Variants in TMEM108 observed in about 807,000 individuals in gnomAD.
TMEM108 encodes transmembrane protein 108.
TMEM108 carries 12 observed loss-of-function variants against 35.1 expected under a neutral mutation model. That is an observed-to-expected ratio of 0.34 (90% CI 0.22 to 0.55). TMEM108 has a LOEUF of 0.55. Ranked by LOEUF, TMEM108 falls within the 20% of genes least tolerant of loss-of-function variation. The pLI, the probability that TMEM108 is intolerant of heterozygous loss-of-function variation, is 0.89. For synonymous variants in TMEM108, 287 were observed against 308.6 expected, an observed-to-expected ratio of 0.93 and a Z score of 0.73; for missense variants, 680 against 753.3, an observed-to-expected ratio of 0.90 and a Z score of 1.14.
At chr3:133,104,548 CAGGTGTTTTT>C (rs1944126491) in intron 2 of TMEM108, among the ~76,000 whole-genome samples, 1 of 152,056 alleles carries the variant, frequency 6.6e-6, no homozygotes, top group Non-Finnish European at 1.5e-5. Flanking sequence ...TCCTGGGGAG[CAGGTGTTTTT>C]CTGATATCCA....
intron 3 of TMEM108, among the ~76,000 whole-genome samples, chr3:133,263,341 AG>A (rs998135799): frequency 2.0e-5 from 3 of 152,206 alleles, no homozygotes; most frequent in African/African-American, 7.2e-5. Context: ...TGCCTTTAAA[AG>A]CTCCATCAAT....
chr3:133,300,578 C>A lies in TMEM108; in HGVS notation c.40+71227C>A, dbSNP rs368894342. 5.3e-5 allele frequency among the ~76,000 whole-genome samples: 8 copies of A among 152,174 alleles called. 1 individual carries two copies. Among genetic ancestry groups the A allele is most frequent in the African/African-American group, 1.9e-4 (8 of 41,462 alleles). ...CCATGCAGTGCCACATGGGGAAGCACCAGGTTTAATGAGGACGCAGAGAGC... is the reference window on the plus strand; with the variant it reads ...CCATGCAGTGCCACATGGGGAAGCAACAGGTTTAATGAGGACGCAGAGAGC... On this transcript the variant is annotated intron_variant, in intron 3 of 5. Coordinates refer to ENST00000321871, the MANE Select transcript of TMEM108 (RefSeq NM_023943.4).
At chr3:133,178,468 C>T (rs569292918) in intron 2 of TMEM108, among the ~76,000 whole-genome samples, 9,106 of 149,782 alleles carry the variant, frequency 0.061, 313 homozygotes, top group Non-Finnish European at 0.082. Context: ...GAGATATAGA[C>T]CAATGGAACA....
intron 3 of TMEM108, among the ~76,000 whole-genome samples, chr3:133,241,661 G>A (rs1241947335): frequency 7.3e-6 from 1 of 137,142 alleles, no homozygotes. Context: ...TTTTGTCCAG[G>A]CTGGAGTACA....
In TMEM108 at chr3:133,380,364, A is replaced by C. The variant is rs1472843772; in HGVS notation, c.653A>C (p.Gln218Pro). 1 of 1,613,710 alleles carries C rather than the reference A, an allele frequency of 6.2e-7. No individual in the cohort carries two copies. The highest frequency in any genetic ancestry group is 8.5e-7 in the Non-Finnish European group (1 of 1,179,840). ...AAGCGGCCCCTGGGGAAAATCTTTC[A>C]GATCTACAAGGGCAACTTCACAGGG... Reference protein sequence around the residue: ...GQKRPLGKIFQIYKGNFTGSV... With the variant: ...GQKRPLGKIFPIYKGNFTGSV... Residue 218 changes from glutamine (Q) to proline (P), a missense_variant, in exon 4 of 6, where the codon CAG becomes CCG. Physicochemically the swap from Gln to Pro is moderately conservative, Grantham distance 76 (BLOSUM62 -1). Transcript: ENST00000321871. This position sits in a 1 kb window ranked among gnomAD's most constrained non-coding sequence, Gnocchi z 5.3.
chr3:133,086,716 TGA>T (rs1459008647), intron 2 of TMEM108, among the ~76,000 whole-genome samples: 1 of 152,138 alleles, frequency 6.6e-6, no homozygotes, highest in East Asian at 1.9e-4. Flanking sequence ...TACATAGGAA[TGA>T]GAGAAGACAT....
intron 3 of TMEM108, chr3:133,248,694 C>T (rs1053361129): frequency 6.6e-6 from 1 of 152,144 alleles, no homozygotes; most frequent in Non-Finnish European, 1.5e-5. Flanking sequence ...AATGTTGCAA[C>T]CCATTATGGC....
chr3:133,311,095 G>A (rs2071122712), intron 3 of TMEM108, among the ~76,000 whole-genome samples: 1 of 152,230 alleles, frequency 6.6e-6, no homozygotes. Flanking sequence ...GAGATCTGCT[G>A]TTAGTCTGAT....
intron 3 of TMEM108, among the ~76,000 whole-genome samples, chr3:133,274,428 G>C (rs1170278951): frequency 2.6e-5 from 4 of 152,170 alleles, no homozygotes; most frequent in African/African-American, 9.7e-5. Flanking sequence ...CATGCACAGT[G>C]CCTGGAGGTC....
At chr3:133,259,212 T>G (rs1946590580) in intron 3 of TMEM108, among the ~76,000 whole-genome samples, 1 of 152,248 alleles carries the variant, frequency 6.6e-6, no homozygotes, top group African/African-American at 2.4e-5. Flanking sequence ...CTTCTAATGC[T>G]TGCTTCTCTA....
chr3:133,131,731 C>G (rs931152112), intron 2 of TMEM108, among the ~76,000 whole-genome samples: 14 of 151,772 alleles, frequency 9.2e-5, no homozygotes, highest in African/African-American at 3.1e-4. Context: ...AAGGCCAAAA[C>G]AAAAGCTAGG....
intron 2 of TMEM108, among the ~76,000 whole-genome samples, chr3:133,196,086 G>A (rs1237834290): frequency 6.6e-6 from 1 of 152,132 alleles, no homozygotes; most frequent in African/African-American, 2.4e-5. Flanking sequence ...CTGTTGGTAA[G>A]CCATTGGCCA....
intron 2 of TMEM108, among the ~76,000 whole-genome samples, chr3:133,046,325 G>T (rs1005902075): frequency 2.0e-5 from 3 of 152,216 alleles, no homozygotes; most frequent in Admixed American, 6.5e-5. Context: ...GCACTGTAAA[G>T]ATGGGAACAG....
chr3:133,049,907 C>T (rs1244309703), intron 2 of TMEM108, among the ~76,000 whole-genome samples: 2 of 152,102 alleles, frequency 1.3e-5, no homozygotes, highest in African/African-American at 4.8e-5. Context: ...CAGACTTCAC[C>T]GCTGAGGAAT....
intron 2 of TMEM108, among the ~76,000 whole-genome samples, chr3:133,078,050 A>G (rs1360824558): frequency 1.3e-5 from 2 of 152,092 alleles, no homozygotes; most frequent in African/African-American, 4.8e-5. Flanking sequence ...AAATGGAAAC[A>G]TGTAGCAAAG....
chr3:133,187,883 C>CAAAAAAAAAA (rs34894272), intron 2 of TMEM108, among the ~76,000 whole-genome samples: 13 of 127,328 alleles, frequency 1.0e-4, no homozygotes, highest in Non-Finnish European at 1.5e-4. Flanking sequence ...ACGGTTGCTG[C>CAAAAAAAAAA]AAAAAAAAAA....
rs1356563288 is a variant in TMEM108 at position 133,380,239 on chromosome 3, T to A, written c.528T>A (p.Ala176=). ...CCCCAGGCTCTTCCCGAAAAGGGGCTGGTAATTCATCACGCCCTGTCCCGC... is the reference window on the plus strand; with the variant it reads ...CCCCAGGCTCTTCCCGAAAAGGGGCAGGTAATTCATCACGCCCTGTCCCGC... ...PRPPGSSRKG[A]GNSSRPVPPA... is the part of the protein sequence containing the mutation. The change falls in exon 4 of 6, where the codon GCT becomes GCA. Residue 176 remains alanine (A), a synonymous_variant. Coordinates refer to ENST00000321871, the MANE Select transcript of TMEM108 (RefSeq NM_023943.4). This position sits in a 1 kb window ranked among gnomAD's most constrained non-coding sequence, Gnocchi z 5.3. 1 of 1,613,264 alleles carries A rather than the reference T, an allele frequency of 6.2e-7. No individual in the cohort carries two copies. Among genetic ancestry groups the A allele is most frequent in the African/African-American group, 1.3e-5 (1 of 74,766 alleles).
intron 2 of TMEM108, among the ~76,000 whole-genome samples, chr3:133,128,901 A>G (rs1944452040): frequency 6.6e-6 from 1 of 152,124 alleles, no homozygotes; most frequent in Admixed American, 6.5e-5. Flanking sequence ...TTCTTCCCAT[A>G]ATGTCATTTT....
intron 3 of TMEM108, among the ~76,000 whole-genome samples, chr3:133,250,275 T>C (rs527748800): frequency 2.0e-5 from 3 of 152,278 alleles, no homozygotes; most frequent in East Asian, 3.9e-4. Flanking sequence ...CCTCTTCCGC[T>C]CTACCTCAGC....
Sources: allele counts gnomAD v4.1 joint callset (sites outside exome capture counted in the v4.1 genomes callset), GRCh38; gene constraint gnomAD v4.1.1; non-coding constraint Gnocchi (gnomAD v3.1); transcripts MANE v1.5; gene names NCBI Gene and HGNC (gene_info 2026-07-23, HGNC 2026-07-21).